The following CNTN4 variants were observed in gnomAD, a reference collection of about 807,000 sequenced individuals.
CNTN4 encodes the protein contactin-4.
Under a neutral mutation model 122.5 loss-of-function variants are expected in CNTN4, and 77 were observed. The ratio of observed to expected loss-of-function variants is 0.63; its 90% CI spans 0.52 to 0.76. The LOEUF (loss-of-function observed/expected upper bound fraction) is 0.76. Among genes scored for constraint, CNTN4 ranks in the 30% least tolerant of loss-of-function variants. CNTN4 has a pLI of 0.00. For missense variants in CNTN4, 1,256 were observed against 1,259.1 expected (o/e 1.00, Z 0.04); for synonymous variants, 512 against 447.0 (o/e 1.15, Z -1.83).
chr3:2,257,296 G>A (rs557624155), intron 2 of CNTN4, among the ~76,000 whole-genome samples: 1 of 152,258 alleles, frequency 6.6e-6, no homozygotes, highest in South Asian at 2.1e-4. Flanking sequence ...ACTCAAGCTG[G>A]ATTAAACACT....
intron 3 of CNTN4, among the ~76,000 whole-genome samples, chr3:2,422,375 T>C (rs1040999572): frequency 1.3e-5 from 2 of 152,234 alleles, no homozygotes; most frequent in African/African-American, 4.8e-5. Context: ...CTGAATTTGA[T>C]AGTGTGCAAT....
chr3:2,160,951 G>A (rs906142671), intron 2 of CNTN4, among the ~76,000 whole-genome samples: 31 of 151,922 alleles, frequency 2.0e-4, no homozygotes, highest in African/African-American at 7.5e-4. Flanking sequence ...GTTTGGAGTT[G>A]GGAGAATAGA....
intron 6 of CNTN4, among the ~76,000 whole-genome samples, chr3:2,792,054 T>C (rs1346188830): frequency 6.6e-6 from 1 of 152,226 alleles, no homozygotes; most frequent in Non-Finnish European, 1.5e-5. Flanking sequence ...CCTGCAATCC[T>C]GCACATGTAC....
At chr3:2,110,088 TA>T (rs142459446) in intron 2 of CNTN4, among the ~76,000 whole-genome samples, 3,524 of 152,316 alleles carry the variant, frequency 0.023, 68 homozygotes, top group Non-Finnish European at 0.033. Context: ...TGACTAAAGA[TA>T]ATTTACTTCT....
At chr3:2,112,666 A>C (rs915444695) in intron 2 of CNTN4, among the ~76,000 whole-genome samples, 1 of 152,200 alleles carries the variant, frequency 6.6e-6, no homozygotes, top group African/African-American at 2.4e-5. Context: ...TTTAGAGCTT[A>C]TCATTAAACC....
At chr3:2,519,359 T>A (rs759495179) in intron 3 of CNTN4, among the ~76,000 whole-genome samples, 8 of 152,190 alleles carry the variant, frequency 5.3e-5, no homozygotes, top group Non-Finnish European at 1.0e-4. Context: ...ATTTTAGGCC[T>A]GGACATGATC....
chr3:2,697,117 A>G (rs2086081783), intron 4 of CNTN4, among the ~76,000 whole-genome samples: 1 of 152,212 alleles, frequency 6.6e-6, no homozygotes, highest in African/African-American at 2.4e-5. Context: ...TAGAATTCAC[A>G]GTGTGTGTTG....
Position 2,571,729 on chromosome 3 carries a change from C to T in CNTN4, c.55+171C>T, listed in dbSNP as rs73001953. 5.8e-3 allele frequency among the ~76,000 whole-genome samples: 887 copies of T among 152,304 alleles called. 6 individuals are homozygous for T. Among genetic ancestry groups the T allele is most frequent in the Non-Finnish European group, 9.9e-3 (672 of 68,032 alleles). ...TACCTTCCTGATGGTCTTTTAGTGA[C>T]TCTTTTCATGGTGTTGTATCCAGAG... On this transcript the variant is annotated intron_variant, in intron 4 of 24. Transcript: ENST00000418658.
intron 13 of CNTN4, among the ~76,000 whole-genome samples, chr3:2,935,775 A>G (rs557613794): frequency 6.6e-6 from 1 of 152,332 alleles, no homozygotes; most frequent in South Asian, 2.1e-4. Flanking sequence ...TGAAAGGGCC[A>G]TGCTGAAAAG....
chr3:2,323,845 G>A (rs2043354110), intron 2 of CNTN4, among the ~76,000 whole-genome samples: 1 of 152,150 alleles, frequency 6.6e-6, no homozygotes, highest in African/African-American at 2.4e-5. Flanking sequence ...GTAAAGTTTA[G>A]TACTGGGCTC....
intron 7 of CNTN4, among the ~76,000 whole-genome samples, chr3:2,838,553 T>C (rs1249768663): frequency 7.2e-6 from 1 of 138,646 alleles, no homozygotes; most frequent in Non-Finnish European, 1.5e-5. Context: ...TCAGACCCTA[T>C]GGTTTGTAAA....
chr3:2,850,285 G>A (rs2093527803), intron 7 of CNTN4, among the ~76,000 whole-genome samples: 1 of 152,148 alleles, frequency 6.6e-6, no homozygotes, highest in African/African-American at 2.4e-5. Context: ...TCCGCGCCTG[G>A]CCAGCAATCA....
intron 3 of CNTN4, among the ~76,000 whole-genome samples, chr3:2,394,792 T>G (rs934433198): frequency 1.4e-5 from 2 of 146,252 alleles, no homozygotes; most frequent in Non-Finnish European, 3.0e-5. Context: ...TAGTTTTTTT[T>G]TTTTTTTTTT....
At chr3:2,705,134 C>T (rs1317730966) in intron 4 of CNTN4, among the ~76,000 whole-genome samples, 4 of 150,958 alleles carry the variant, frequency 2.6e-5, no homozygotes, top group East Asian at 1.9e-4. Flanking sequence ...TTTGGGAGGC[C>T]GAGGCAGGCG....
chr3:2,784,021 T>G (rs1052557424), intron 6 of CNTN4, among the ~76,000 whole-genome samples: 2 of 152,232 alleles, frequency 1.3e-5, no homozygotes, highest in Admixed American at 1.3e-4. Flanking sequence ...TGTCAGGGAA[T>G]AGACTATTCT....
chr3:2,543,574 C>T (rs186161585), intron 3 of CNTN4, among the ~76,000 whole-genome samples: 5 of 152,166 alleles, frequency 3.3e-5, no homozygotes, highest in Admixed American at 3.3e-4. Context: ...TTCACAGCTT[C>T]ATCGATTTTT....
intron 2 of CNTN4, among the ~76,000 whole-genome samples, chr3:2,312,775 A>T (rs924457972): frequency 2.0e-5 from 3 of 152,036 alleles, no homozygotes; most frequent in Non-Finnish European, 4.4e-5. Context: ...TTGACCTAAG[A>T]TGGGTGTTTT....
intron 2 of CNTN4, among the ~76,000 whole-genome samples, chr3:2,187,337 A>T (rs181648341): frequency 8.7e-4 from 133 of 152,216 alleles, no homozygotes; most frequent in Admixed American, 3.1e-3. Context: ...ATATCCTTGT[A>T]GTATTGTTTG....
chr3:2,907,229 A>T (rs1280844541), intron 12 of CNTN4, among the ~76,000 whole-genome samples: 1 of 152,204 alleles, frequency 6.6e-6, no homozygotes, highest in East Asian at 1.9e-4. Context: ...AATCATGAGG[A>T]TGCTGAATTG....
Sources: gnomAD v4.1 joint callset for allele counts (sites outside exome capture counted in the v4.1 genomes callset) on GRCh38, gnomAD v4.1.1 for gene constraint, MANE v1.5 for transcripts, NCBI Gene and HGNC (gene_info 2026-07-23, HGNC 2026-07-21) for gene names.